Variants in GUCY1A2 observed in about 807,000 individuals in gnomAD.
The protein encoded by GUCY1A2 is guanylate cyclase soluble subunit alpha-2.
In GUCY1A2, 27 loss-of-function variants were observed where a neutral mutation model predicts 63.5. The ratio of observed to expected loss-of-function variants is 0.43; its 90% confidence interval spans 0.31 to 0.59. The LOEUF (loss-of-function observed/expected upper bound fraction) is 0.59. Among genes scored for constraint, GUCY1A2 ranks in the 20% least tolerant of loss-of-function variants. GUCY1A2 has a pLI of 0.11. For missense variants in GUCY1A2, 768 were observed against 913.3 expected, an observed-to-expected ratio of 0.84 and a Z score of 2.05; for synonymous variants, 364 against 343.5, an observed-to-expected ratio of 1.06 and a Z score of -0.66.
chr11:106,757,587 T>G (rs929283978), intron 6 of GUCY1A2, among the ~76,000 whole-genome samples: 6 of 152,202 alleles, frequency 3.9e-5, no homozygotes, highest in Non-Finnish European at 8.8e-5. Context: ...TTTCTTAGTT[T>G]TCCTTCTAAC....
Position 106,970,044 on chromosome 11 carries a change from G to A in GUCY1A2, c.487+8575C>T, listed in dbSNP as rs150948311. Among the ~76,000 whole-genome samples the A allele has an allele frequency of 6.5e-3, 985 of 152,284 alleles. 4 individuals carry two copies. Among genetic ancestry groups the A allele is most frequent in the Non-Finnish European group, 9.8e-3 (664 of 68,006 alleles). On this transcript the variant is annotated intron_variant, in intron 3 of 7. Coordinates refer to ENST00000526355, the MANE Select transcript of GUCY1A2 (RefSeq NM_000855.3). ...AGTTTCTAAGAAATTTGAGAATTTT[G>A]TTATGAGAATGTATTGAGTAAAGGA...
chr11:106,897,699 C>CA (rs1348636254), intron 4 of GUCY1A2, among the ~76,000 whole-genome samples: 9 of 150,726 alleles, frequency 6.0e-5, no homozygotes, highest in Non-Finnish European at 1.2e-4. Flanking sequence ...ATATCTTTCA[C>CA]AAAAAATGCA....
chr11:106,872,246 T>A (rs749844122), intron 4 of GUCY1A2, among the ~76,000 whole-genome samples: 13 of 152,162 alleles, frequency 8.5e-5, no homozygotes, highest in Non-Finnish European at 1.3e-4. Flanking sequence ...CAGGAGTGAG[T>A]CTTGGAAAAC....
intron 1 of GUCY1A2, among the ~76,000 whole-genome samples, chr11:107,006,650 A>C (rs796164882): frequency 2.0e-5 from 3 of 152,212 alleles, no homozygotes; most frequent in African/African-American, 7.2e-5. Context: ...GACCACAAGT[A>C]CCATTTACTT....
At chr11:106,958,557 T>C (rs753560912) in intron 3 of GUCY1A2, among the ~76,000 whole-genome samples, 1 of 152,130 alleles carries the variant, frequency 6.6e-6, no homozygotes, top group Non-Finnish European at 1.5e-5. Context: ...TCTTGTATTT[T>C]TCAAAGAAGT....
At chr11:106,962,173 T>C (rs1215707853) in intron 3 of GUCY1A2, among the ~76,000 whole-genome samples, 3 of 152,196 alleles carry the variant, frequency 2.0e-5, no homozygotes, top group African/African-American at 7.2e-5. Context: ...TTGCCTCCTA[T>C]TAACAGGACT....
At chr11:106,817,354 A>C (rs567681243) in intron 4 of GUCY1A2, among the ~76,000 whole-genome samples, 1 of 152,244 alleles carries the variant, frequency 6.6e-6, no homozygotes, top group East Asian at 1.9e-4. Flanking sequence ...AATAGCTCCT[A>C]TAACTTTAGT....
intron 4 of GUCY1A2, among the ~76,000 whole-genome samples, chr11:106,858,903 T>C (rs1190865350): frequency 6.6e-6 from 1 of 152,060 alleles, no homozygotes; most frequent in East Asian, 1.9e-4. Context: ...CATAAGCAGA[T>C]AATTGTGTTT....
intron 4 of GUCY1A2, among the ~76,000 whole-genome samples, chr11:106,897,953 A>C (rs1020401874): frequency 6.6e-6 from 1 of 152,178 alleles, no homozygotes; most frequent in Non-Finnish European, 1.5e-5. Flanking sequence ...TGCAAAATAC[A>C]TATCTGGTTA....
At chr11:106,837,353 C>T (rs1462444915) in intron 4 of GUCY1A2, among the ~76,000 whole-genome samples, 1 of 152,004 alleles carries the variant, frequency 6.6e-6, no homozygotes, top group Admixed American at 6.6e-5. Flanking sequence ...GCATAGTATT[C>T]CATGGTGTAT....
intron 3 of GUCY1A2, among the ~76,000 whole-genome samples, chr11:106,954,990 T>C (rs547688881): frequency 2.1e-5 from 3 of 141,840 alleles, no homozygotes; most frequent in East Asian, 4.0e-4. Context: ...TTTTTTTCTT[T>C]TTTTTGAGAC....
intron 4 of GUCY1A2, among the ~76,000 whole-genome samples, chr11:106,922,396 A>T (rs72990360): frequency 0.14 from 21,626 of 151,798 alleles, 1,602 homozygotes; most frequent in African/African-American, 0.16. Context: ...GATGGATAGG[A>T]TATAATTCAT....
intron 6 of GUCY1A2, among the ~76,000 whole-genome samples, chr11:106,735,608 C>G (rs540861507): frequency 1.3e-5 from 2 of 152,290 alleles, no homozygotes; most frequent in East Asian, 3.9e-4. Flanking sequence ...GTGCAGTTAT[C>G]TCTTCAATAT....
intron 3 of GUCY1A2, among the ~76,000 whole-genome samples, chr11:106,953,316 G>A (rs529032255): frequency 2.0e-5 from 3 of 152,204 alleles, no homozygotes; most frequent in East Asian, 1.9e-4. Context: ...TTTATCTGAC[G>A]GATTATGTTT....
intron 4 of GUCY1A2, chr11:106,827,344 A>T: frequency 6.4e-7 from 1 of 1,560,206 alleles, no homozygotes; most frequent in South Asian, 1.1e-5. Context: ...TGCATCGAAG[A>T]AAGTATTCCC....
chr11:106,974,601 C>A (rs1025684776), intron 3 of GUCY1A2, among the ~76,000 whole-genome samples: 6 of 152,002 alleles, frequency 3.9e-5, no homozygotes, highest in African/African-American at 1.2e-4. Context: ...ATTTCAGGAT[C>A]CCTGATACTA....
At chr11:106,807,899 T>C (rs1591285629) in intron 5 of GUCY1A2, among the ~76,000 whole-genome samples, 1 of 152,026 alleles carries the variant, frequency 6.6e-6, no homozygotes, top group Non-Finnish European at 1.5e-5. Context: ...TTTTGGACTC[T>C]TGGACCTACA....
intron 4 of GUCY1A2, among the ~76,000 whole-genome samples, chr11:106,880,211 C>T (rs1859804939): frequency 6.6e-6 from 1 of 151,986 alleles, no homozygotes; most frequent in South Asian, 2.1e-4. Context: ...CTAAGAAATC[C>T]AGGAACAGCC....
At chr11:106,751,987 C>G (rs1246975729) in intron 6 of GUCY1A2, among the ~76,000 whole-genome samples, 1 of 152,154 alleles carries the variant, frequency 6.6e-6, no homozygotes, top group Non-Finnish European at 1.5e-5. Flanking sequence ...TAGTCCCAAA[C>G]AGGAAAGTTC....
Sources: allele counts gnomAD v4.1 joint callset (sites outside exome capture counted in the v4.1 genomes callset), GRCh38; gene constraint gnomAD v4.1.1; transcripts MANE v1.5; gene names NCBI Gene and HGNC (gene_info 2026-07-23, HGNC 2026-07-21).